KIF26B: variants seen among roughly 807,000 people sequenced by gnomAD.
The protein encoded by KIF26B is kinesin-like protein KIF26B.
In KIF26B, 63 loss-of-function variants were observed where a neutral mutation model predicts 151.2. The observed-to-expected ratio is 0.42, with a 90% CI of 0.34 to 0.51. The LOEUF (loss-of-function observed/expected upper bound fraction) is 0.51, where lower values mean the gene tolerates loss of function less well. Ranked by LOEUF, KIF26B falls within the 20% of genes least tolerant of loss-of-function variation. The pLI is 0.07. For synonymous variants in KIF26B, 1,357 were observed against 1,262.1 expected (o/e 1.08, Z -1.59); for missense variants, 2,813 against 2,913.6 (o/e 0.97, Z 0.79).
At chr1:245,441,549 G>A (rs1320810721) in intron 4 of KIF26B, among the ~76,000 whole-genome samples, 1 of 152,022 alleles carries the variant, frequency 6.6e-6, no homozygotes, top group South Asian at 2.1e-4. Flanking sequence ...GCTCCTGGGA[G>A]GGGAGGGTTC....
At position 245,273,427 on chromosome 1, in the gene KIF26B, A is replaced by T. The variant is rs924960538; in HGVS notation, c.466-93407A>T. On this transcript the variant is annotated intron_variant, in intron 2 of 14. Transcript: ENST00000407071. The stretch of plus-strand genomic sequence containing the variant: ...AGCGAGACTTATCTCAAAAAAAAAA[A>T]AAAAAAAAAAAAAACCCCAAAAAAC... Among the ~76,000 whole-genome samples the T allele has an allele frequency of 7.3e-5, 11 of 151,656 alleles. 1 individual carries two copies. Among genetic ancestry groups the T allele is most frequent in the Non-Finnish European group, 1.3e-4 (9 of 67,952 alleles).
chr1:245,599,566 T>C (rs1293296825), intron 5 of KIF26B, among the ~76,000 whole-genome samples: 2 of 152,222 alleles, frequency 1.3e-5, no homozygotes, highest in African/African-American at 2.4e-5. Context: ...GCACCTCTGG[T>C]TACCCAGAAA....
intron 3 of KIF26B, chr1:245,370,533 CACAT>C (rs1228756231): frequency 6.4e-5 from 29 of 449,630 alleles, no homozygotes; most frequent in Non-Finnish European, 1.1e-4. Flanking sequence ...TTGTGTGAGC[CACAT>C]ACTTGTGTTA....
intron 2 of KIF26B, among the ~76,000 whole-genome samples, chr1:245,300,214 G>T (rs1001343732): frequency 6.6e-6 from 1 of 152,188 alleles, no homozygotes; most frequent in East Asian, 1.9e-4. Flanking sequence ...TTCTTGTGGG[G>T]AATTACAGTC....
At chr1:245,579,367 G>A (rs903168579) in intron 5 of KIF26B, among the ~76,000 whole-genome samples, 22 of 152,310 alleles carry the variant, frequency 1.4e-4, no homozygotes, top group Admixed American at 3.9e-4. Context: ...GTGCAGTAGG[G>A]TGCATCTGTA....
At chr1:245,683,352 A>G (rs936604585) in intron 10 of KIF26B, among the ~76,000 whole-genome samples, 1 of 152,170 alleles carries the variant, frequency 6.6e-6, no homozygotes, top group Non-Finnish European at 1.5e-5. Flanking sequence ...CAGAGATGCA[A>G]TGACATTTGG....
chr1:245,501,124 G>A (rs559229966), intron 4 of KIF26B, among the ~76,000 whole-genome samples: 12 of 152,290 alleles, frequency 7.9e-5, no homozygotes, highest in South Asian at 4.1e-4. Flanking sequence ...CAGAACAGTC[G>A]TTTAGAGAAC....
intron 4 of KIF26B, among the ~76,000 whole-genome samples, chr1:245,464,585 G>A (rs1384047648): frequency 1.4e-5 from 2 of 145,258 alleles, no homozygotes; most frequent in Non-Finnish European, 3.0e-5. Flanking sequence ...GTGTGTGCAC[G>A]TGTGTGGGTG....
At chr1:245,436,753 A>G (rs1252048457) in intron 4 of KIF26B, among the ~76,000 whole-genome samples, 4 of 152,218 alleles carry the variant, frequency 2.6e-5, no homozygotes, top group African/African-American at 7.2e-5. Context: ...AAGTTGACAC[A>G]TAAAATTCAT....
chr1:245,635,748 C>T (rs12118585), intron 9 of KIF26B, among the ~76,000 whole-genome samples: 31,978 of 151,756 alleles, frequency 0.21, 3,796 homozygotes, highest in East Asian at 0.38. Context: ...TGGTTGCTTT[C>T]TGATATAGGC....
intron 5 of KIF26B, among the ~76,000 whole-genome samples, chr1:245,575,189 G>A (rs537617871): frequency 2.6e-5 from 4 of 151,208 alleles, no homozygotes; most frequent in Non-Finnish European, 5.9e-5. Flanking sequence ...CAAAGAAAAA[G>A]GTAGGCTGGG....
At chr1:245,471,123 G>GTATATATATATATATATATATA (rs200717016) in intron 4 of KIF26B, among the ~76,000 whole-genome samples, 39 of 139,658 alleles carry the variant, frequency 2.8e-4, no homozygotes, top group African/African-American at 9.9e-4. Context: ...GTATGTGTGT[G>GTATATATATATATATATATATA]TGTGTGTGTA....
At chr1:245,469,865 C>T (rs1217715018) in intron 4 of KIF26B, among the ~76,000 whole-genome samples, 1 of 152,184 alleles carries the variant, frequency 6.6e-6, no homozygotes, top group Non-Finnish European at 1.5e-5. Flanking sequence ...AAGGAGGATA[C>T]AATCTAGTCT....
intron 12 of KIF26B, among the ~76,000 whole-genome samples, chr1:245,692,453 T>G (rs1160146549): frequency 6.6e-6 from 1 of 151,908 alleles, no homozygotes; most frequent in Non-Finnish European, 1.5e-5. Flanking sequence ...GGAGGGTGCT[T>G]ACATCGGGAC....
intron 10 of KIF26B, among the ~76,000 whole-genome samples, chr1:245,675,125 C>T (rs907365994): frequency 4.6e-5 from 7 of 152,160 alleles, no homozygotes; most frequent in African/African-American, 7.2e-5. Context: ...GAATCTAGGA[C>T]GGTTTCAAAA....
intron 5 of KIF26B, among the ~76,000 whole-genome samples, chr1:245,591,492 A>G (rs559626822): frequency 2.6e-5 from 4 of 152,316 alleles, no homozygotes; most frequent in African/African-American, 9.6e-5. Context: ...GTGCATGGAC[A>G]CATACTGATC....
At position 245,241,329 on chromosome 1, in the gene KIF26B, A is replaced by G. The variant is rs375727124; in HGVS notation, c.465+84646A>G. Among the ~76,000 whole-genome samples, 19 of 151,996 alleles carry G rather than the reference A, an allele frequency of 1.3e-4. No individual in the cohort carries two copies. The highest frequency in any genetic ancestry group is 4.3e-4 in the African/African-American group (18 of 41,454). On this transcript the variant is annotated intron_variant, in intron 2 of 14. Coordinates refer to ENST00000407071, the MANE Select transcript of KIF26B (RefSeq NM_018012.4). This position sits in a 1 kb window ranked among gnomAD's most constrained non-coding sequence, Gnocchi z 5.0. The stretch of plus-strand genomic sequence containing the variant: ...AGCGGCCGGTGGGTTTTAGATCCTC[A>G]TTTGGCCAGAGGGAGGCAGCTGGAT...
chr1:245,264,137 AT>A (rs1167060404), intron 2 of KIF26B, among the ~76,000 whole-genome samples: 1 of 152,202 alleles, frequency 6.6e-6, no homozygotes, highest in African/African-American at 2.4e-5. Context: ...GTGTTCCATG[AT>A]AGACTTGTGT....
At chr1:245,663,623 C>T (rs1056255501) in intron 10 of KIF26B, among the ~76,000 whole-genome samples, 1 of 152,108 alleles carries the variant, frequency 6.6e-6, no homozygotes, top group African/African-American at 2.4e-5. Flanking sequence ...TAGTTTACTC[C>T]AGACAGCATT....
Sources: allele counts gnomAD v4.1 joint callset (sites outside exome capture counted in the v4.1 genomes callset), GRCh38; gene constraint gnomAD v4.1.1; non-coding constraint Gnocchi (gnomAD v3.1); transcripts MANE v1.5; gene names NCBI Gene and HGNC (gene_info 2026-07-23, HGNC 2026-07-21).